ALKBH1: variants seen among roughly 807,000 people sequenced by gnomAD.
The protein encoded by ALKBH1 is alkB homolog 1, histone H2A dioxygenase, also known as nucleic acid dioxygenase ALKBH1.
In ALKBH1, 31 loss-of-function variants were observed where a neutral mutation model predicts 36.6. The observed-to-expected ratio is 0.85, with a 90% CI of 0.64 to 1.14. The LOEUF (loss-of-function observed/expected upper bound fraction) is 1.14, where lower values mean the gene tolerates loss of function less well. ALKBH1 is among the 50% of genes most tolerant of loss of function. The pLI is 0.00. For synonymous variants in ALKBH1, 183 were observed against 186.6 expected, an observed-to-expected ratio of 0.98 and a Z score of 0.16; for missense variants, 490 against 497.3, an observed-to-expected ratio of 0.99 and a Z score of 0.14.
chr14:77,683,574 A>C lies in ALKBH1; in HGVS notation c.456-3604T>G, dbSNP rs1195255318. ...CCATTCCCTTAATGTCGACAACATC[A>C]TCCTCCTTTTTTTTTGAGATGCAGT... On this transcript the variant is annotated intron_variant, in intron 3 of 5. Transcript: ENST00000216489. The C allele has an allele frequency of 7.1e-5, 35 of 490,646 alleles. 1 individual carries two copies. Among genetic ancestry groups the C allele is most frequent in the Middle Eastern group, 4.1e-4 (1 of 2,468 alleles). 30.4% of individuals were successfully genotyped at this position (490,646 alleles called of 1,614,324 possible).
intron 2 of ALKBH1, among the ~76,000 whole-genome samples, chr14:77,700,782 T>A (rs948973173): frequency 2.0e-5 from 3 of 152,114 alleles, no homozygotes; most frequent in African/African-American, 4.8e-5. Flanking sequence ...TGTCTTCTTT[T>A]TAGTGGGTTA....
chr14:77,694,694 TCTGAG>T, intron 3 of ALKBH1, 39 bp downstream of exon 3: 1 of 1,454,424 alleles, frequency 6.9e-7, no homozygotes, highest in African/African-American at 1.4e-5. Flanking sequence ...CCTGTGATGA[TCTGAG>T]CTGAGTATTA....
chr14:77,706,147 TC>T (rs2080389338), intron 1 of ALKBH1, among the ~76,000 whole-genome samples: 1 of 151,986 alleles, frequency 6.6e-6, no homozygotes, highest in African/African-American at 2.4e-5. Context: ...AAGAGAATGA[TC>T]TTTTATCTTA....
rs749856545 is a variant in ALKBH1 at position 77,679,896 on chromosome 14, T to C, written c.530A>G (p.Tyr177Cys). ...KLRWVTVGYH[Y>C]NWDSKKYSAD... ...CCTGAATACCTTACTGTCCCAGTTA[T>C]AATGGTAGCCTACGGTCACCCAACG... Residue 177 changes from tyrosine (Y) to cysteine (C), a missense_variant, in exon 4 of 6, where the codon TAT (tyrosine) becomes TGT (cysteine). Physicochemically the swap from Tyr to Cys is radical, Grantham distance 194 (BLOSUM62 -2). Coordinates refer to ENST00000216489, the MANE Select transcript of ALKBH1 (RefSeq NM_006020.3). The C allele has an allele frequency of 2.5e-6, 4 of 1,614,104 alleles. No individual in the cohort carries two copies. The highest frequency in any genetic ancestry group is 1.7e-5 in the Admixed American group (1 of 60,020).
chr14:77,706,022 T>C (rs2080387670), intron 1 of ALKBH1, among the ~76,000 whole-genome samples: 2 of 152,214 alleles, frequency 1.3e-5, no homozygotes, highest in East Asian at 3.9e-4. Context: ...GCCACTGCAC[T>C]TCAGCCTGGG....
chr14:77,686,890 G>A (rs1313548265), intron 3 of ALKBH1, among the ~76,000 whole-genome samples: 1 of 152,184 alleles, frequency 6.6e-6, no homozygotes, highest in Non-Finnish European at 1.5e-5. Flanking sequence ...CCAAAGTGCT[G>A]GGATTACAGG....
chr14:77,704,849 T>G (rs939798366), intron 1 of ALKBH1, among the ~76,000 whole-genome samples: 2 of 152,238 alleles, frequency 1.3e-5, no homozygotes, highest in Non-Finnish European at 2.9e-5. Flanking sequence ...ATCTATATAG[T>G]AACAGTAGAG....
At chr14:77,675,605 A>C (rs762158299) in intron 5 of ALKBH1, 51 bp downstream of exon 5, 1 of 1,505,348 alleles carries the variant, frequency 6.6e-7, no homozygotes, top group Non-Finnish European at 9.1e-7. Context: ...ATGTCTTAGA[A>C]AAAAGAATTA....
chr14:77,679,108 C>T (rs1452791978), intron 4 of ALKBH1, among the ~76,000 whole-genome samples: 1 of 152,036 alleles, frequency 6.6e-6, no homozygotes. Context: ...TGAGCCACCG[C>T]GTGTGATCGG....
At chr14:77,703,688 C>G (rs1161375844) in intron 2 of ALKBH1, among the ~76,000 whole-genome samples, 2 of 150,306 alleles carry the variant, frequency 1.3e-5, no homozygotes, top group Non-Finnish European at 3.0e-5. Flanking sequence ...ACCTCCACCT[C>G]CTGGGTTCAA....
chr14:77,705,485 ACTGGGAATC>A (rs148139057), intron 1 of ALKBH1, among the ~76,000 whole-genome samples: 612 of 152,126 alleles, frequency 4.0e-3, no homozygotes, highest in African/African-American at 0.014. Flanking sequence ...GCAGTGAGAC[ACTGGGAATC>A]CTGTCTGCTA....
chr14:77,680,677 C>CTTTTTTTTTTTTT (rs1555383644), intron 3 of ALKBH1, among the ~76,000 whole-genome samples: 8 of 124,332 alleles, frequency 6.4e-5, no homozygotes, highest in African/African-American at 9.6e-5. Context: ...ATTAACTACT[C>CTTTTTTTTTTTTT]TTTTTTTTTT....
chr14:77,696,181 A>C (rs113627198), intron 2 of ALKBH1, among the ~76,000 whole-genome samples: 2 of 152,216 alleles, frequency 1.3e-5, no homozygotes, highest in South Asian at 2.1e-4. Context: ...TGTGCCAGGC[A>C]CTTTCTTTCT....
intron 2 of ALKBH1, 62 bp from the exon 3 acceptor site, chr14:77,694,962 A>G (rs560800305): frequency 7.4e-7 from 1 of 1,347,920 alleles, no homozygotes; most frequent in Admixed American, 3.1e-5. Flanking sequence ...TTATTCAAAT[A>G]ATTTTGACAT....
chr14:77,697,179 T>C (rs1212450715), intron 2 of ALKBH1: 7 of 171,636 alleles, frequency 4.1e-5, no homozygotes, highest in Non-Finnish European at 7.6e-5. Context: ...GGTGGAAGAG[T>C]TGAATTCTTA....
intron 2 of ALKBH1, among the ~76,000 whole-genome samples, chr14:77,699,657 A>G (rs777165819): frequency 2.0e-5 from 3 of 149,232 alleles, no homozygotes; most frequent in Non-Finnish European, 4.4e-5. Flanking sequence ...AGATAAGACA[A>G]ACAAACAATC....
At chr14:77,704,021 C>T (rs1278733937) in intron 2 of ALKBH1, among the ~76,000 whole-genome samples, 3 of 152,180 alleles carry the variant, frequency 2.0e-5, no homozygotes, top group Non-Finnish European at 4.4e-5. Flanking sequence ...TTATTCATAA[C>T]TATTATGACA....
rs774703181 is a variant in ALKBH1 at position 77,680,677 on chromosome 14, C to CTCTTTTTTTTTTTTTTTTTTTT, written c.456-708_456-707insAAAAAAAAAAAAAAAAAAAAGA. ...GATCAAATCTATGTGATTAACTACTCTTTTTTTTTTTTTTTTTTTGAGACA... is the reference window on the plus strand; with the variant it reads ...GATCAAATCTATGTGATTAACTACTCTCTTTTTTTTTTTTTTTTTTTTTTTTTTTTTTTTTTTTTTTGAGACA... On this transcript the variant is annotated intron_variant, in intron 3 of 5. Coordinates refer to ENST00000216489, the MANE Select transcript of ALKBH1 (RefSeq NM_006020.3). 3.4e-4 allele frequency among the ~76,000 whole-genome samples: 42 copies of CTCTTTTTTTTTTTTTTTTTTTT among 124,320 alleles called. 1 individual carries two copies. The highest frequency in any genetic ancestry group is 1.2e-3 in the African/African-American group (38 of 31,338). 81.6% of individuals were successfully genotyped at this position (124,320 alleles called of 152,430 possible).
rs372174922 is a variant in ALKBH1 at position 77,675,199 on chromosome 14, G to A, written c.740+457C>T. Among the ~76,000 whole-genome samples, 16 of 152,128 alleles carry A rather than the reference G, an allele frequency of 1.1e-4. No individual in the cohort carries two copies. In the East Asian group the frequency reaches 2.1e-3, roughly 20 times the overall value. On this transcript the variant is annotated intron_variant, in intron 5 of 5. Transcript: ENST00000216489. Reference sequence around the variant, plus strand: ...TGTAATCTCAGCACTTCGGGAGGCCGAAGTGGGCGGATTGCCTGAGCTCAG... The same window carrying A: ...TGTAATCTCAGCACTTCGGGAGGCCAAAGTGGGCGGATTGCCTGAGCTCAG...
Sources: gnomAD v4.1 joint callset for allele counts (sites outside exome capture counted in the v4.1 genomes callset) on GRCh38, gnomAD v4.1.1 for gene constraint, MANE v1.5 for transcripts, NCBI Gene and HGNC (gene_info 2026-07-23, HGNC 2026-07-21) for gene names.